The following GLCE variants were observed in gnomAD, a reference collection of about 807,000 sequenced individuals.
GLCE encodes the protein D-glucuronyl C5-epimerase.
GLCE carries 19 observed loss-of-function variants against 47.9 expected under a neutral mutation model. The ratio of observed to expected loss-of-function variants is 0.40; its 90% CI spans 0.28 to 0.58. The LOEUF is 0.58. Among genes scored for constraint, GLCE ranks in the 20% least tolerant of loss-of-function variants. The pLI is 0.48. For missense variants in GLCE, 556 were observed against 743.3 expected, an observed-to-expected ratio of 0.75 and a Z score of 2.93; for synonymous variants, 245 against 263.4, an observed-to-expected ratio of 0.93 and a Z score of 0.68.
intron 2 of GLCE, among the ~76,000 whole-genome samples, chr15:69,216,109 G>A (rs1158145293): frequency 6.6e-6 from 1 of 152,060 alleles, no homozygotes; most frequent in African/African-American, 2.4e-5. Context: ...TAATTTTATT[G>A]TTGTCTAAAG....
At chr15:69,167,630 G>A (rs1017018240) in intron 1 of GLCE, among the ~76,000 whole-genome samples, 75 of 152,106 alleles carry the variant, frequency 4.9e-4, no homozygotes, top group African/African-American at 1.6e-3. Context: ...GTTTGGGAGC[G>A]GAAGGCAGTT....
intron 1 of GLCE, among the ~76,000 whole-genome samples, chr15:69,167,290 C>T (rs904314168): frequency 6.6e-6 from 1 of 152,182 alleles, no homozygotes; most frequent in African/African-American, 2.4e-5. Flanking sequence ...GATTTTCCCC[C>T]TCAAGGGGAA....
rs763723001 is a variant in GLCE, at chr15:69,261,340, T to C, written c.829+11T>C. 3 of 1,609,254 alleles carry C rather than the reference T, an allele frequency of 1.9e-6. No individual in the cohort carries two copies. Among genetic ancestry groups the C allele is most frequent in the Admixed American group, 3.4e-5 (2 of 59,648 alleles). The stretch of plus-strand genomic sequence containing the variant: ...AGTTTATTGCACCAGGTAAGTTATG[T>C]ATTATATGTGCCTGCTAATTTTATG... On this transcript the variant is annotated intron_variant, in intron 4 of 4. Transcript: ENST00000261858.
rs777372583 is a variant in GLCE, at chr15:69,261,111, G to T, written c.611G>T (p.Gly204Val). ...VEGVPLSTQW[G>V]PQGYFYPIQI... ...GGTGTGCCATTATCTACACAATGGG[G>T]ACCTCAAGGCTATTTCTATCCAATC... The change falls in exon 4 of 5, where the codon GGA (glycine) becomes GTA (valine). Residue 204 changes from glycine to valine, a missense_variant. Gly to Val is a moderately radical substitution (Grantham distance 109). Coordinates refer to ENST00000261858, the MANE Select transcript of GLCE (RefSeq NM_015554.3). 112 of 1,612,470 alleles carry T rather than the reference G, an allele frequency of 6.9e-5. No homozygotes were observed. Among genetic ancestry groups the T allele is most frequent in the Non-Finnish European group, 9.2e-5 (109 of 1,178,686 alleles).
intron 2 of GLCE, among the ~76,000 whole-genome samples, chr15:69,249,446 C>T (rs942524803): frequency 6.6e-6 from 1 of 152,070 alleles, no homozygotes; most frequent in African/African-American, 2.4e-5. Flanking sequence ...AAATATTGAT[C>T]AAAACAATCA....
chr15:69,205,674 A>G (rs1321879498), intron 1 of GLCE, among the ~76,000 whole-genome samples: 1 of 151,942 alleles, frequency 6.6e-6, no homozygotes, highest in Admixed American at 6.6e-5. Flanking sequence ...AATCTTTTTC[A>G]TTTTAGCCAT....
chr15:69,166,641 C>T lies in GLCE; in HGVS notation c.-105+5884C>T, dbSNP rs77982422. Among the ~76,000 whole-genome samples the T allele has an allele frequency of 2.8e-3, 424 of 152,274 alleles. 2 individuals are homozygous for T. The highest frequency in any genetic ancestry group is 9.9e-3 in the African/African-American group (410 of 41,564). ...GTGTTATAAAACTATTACTCGAGGCCAGGCGCGGTGGCTTACGCCTCTAAT... is the reference window on the plus strand; with the variant it reads ...GTGTTATAAAACTATTACTCGAGGCTAGGCGCGGTGGCTTACGCCTCTAAT... On this transcript the variant is annotated intron_variant, in intron 1 of 4. Transcript: ENST00000261858.
intron 1 of GLCE, among the ~76,000 whole-genome samples, chr15:69,174,567 A>G (rs988959894): frequency 1.3e-5 from 2 of 152,188 alleles, no homozygotes; most frequent in East Asian, 1.9e-4. Flanking sequence ...CTGAGATCGC[A>G]CCAGTGTATT....
intron 1 of GLCE, among the ~76,000 whole-genome samples, chr15:69,185,188 G>A (rs1458015298): frequency 6.6e-6 from 1 of 152,050 alleles, no homozygotes; most frequent in Non-Finnish European, 1.5e-5. Flanking sequence ...TGGTTTAATT[G>A]CCATGTTCAG....
chr15:69,261,433 C>G, intron 4 of GLCE, 104 bp downstream of exon 4: 1 of 1,056,566 alleles, frequency 9.5e-7, no homozygotes, highest in South Asian at 1.6e-5. Flanking sequence ...TAAGCAGACC[C>G]TTTATATTAC....
chr15:69,185,001 A>G (rs536846761), intron 1 of GLCE, among the ~76,000 whole-genome samples: 2 of 152,234 alleles, frequency 1.3e-5, no homozygotes, highest in African/African-American at 2.4e-5. Context: ...CCATTGAGCT[A>G]AAGTTAGTTC....
intron 1 of GLCE, among the ~76,000 whole-genome samples, chr15:69,180,618 C>G (rs998449322): frequency 2.1e-4 from 32 of 152,122 alleles, no homozygotes; most frequent in African/African-American, 7.5e-4. Flanking sequence ...TGCCAAGTCT[C>G]TGAGGTTGGA....
chr15:69,182,269 T>TTGTGTG (rs34135980), intron 1 of GLCE, among the ~76,000 whole-genome samples: 60 of 144,920 alleles, frequency 4.1e-4, no homozygotes, highest in African/African-American at 1.1e-3. Flanking sequence ...CATCGTGTAT[T>TTGTGTG]TGTGTGTGTG....
chr15:69,179,733 C>T (rs2051724309), intron 1 of GLCE, among the ~76,000 whole-genome samples: 1 of 152,116 alleles, frequency 6.6e-6, no homozygotes, highest in South Asian at 2.1e-4. Flanking sequence ...GCCTGCAATC[C>T]CAGCACTTCA....
chr15:69,236,545 C>G (rs560378955), intron 2 of GLCE, among the ~76,000 whole-genome samples: 8 of 152,062 alleles, frequency 5.3e-5, no homozygotes, highest in Non-Finnish European at 1.2e-4. Flanking sequence ...GGGTTCTGAG[C>G]CTATAATCTG....
chr15:69,180,403 A>T (rs1566948617), intron 1 of GLCE, among the ~76,000 whole-genome samples: 1 of 152,324 alleles, frequency 6.6e-6, no homozygotes, highest in East Asian at 1.9e-4. Flanking sequence ...ATTAAAAAAA[A>T]TGTAAGTTTA....
intron 3 of GLCE, among the ~76,000 whole-genome samples, chr15:69,259,913 C>T (rs574314801): frequency 2.2e-4 from 34 of 152,326 alleles, no homozygotes; most frequent in African/African-American, 8.2e-4. Context: ...TTCCCAGTCT[C>T]TGCTGTGCTC....
At chr15:69,257,892 A>G (rs1401204850) in intron 3 of GLCE, among the ~76,000 whole-genome samples, 1 of 152,064 alleles carries the variant, frequency 6.6e-6, no homozygotes, top group Non-Finnish European at 1.5e-5. Flanking sequence ...AGGCGCCTAA[A>G]TTCTAAAATA....
At chr15:69,202,867 A>G (rs1267369734) in intron 1 of GLCE, among the ~76,000 whole-genome samples, 2 of 152,042 alleles carry the variant, frequency 1.3e-5, no homozygotes, top group Non-Finnish European at 2.9e-5. Context: ...ATTTATGGAT[A>G]ATTTCTTATT....
Sources: gnomAD v4.1 joint callset for allele counts (sites outside exome capture counted in the v4.1 genomes callset) on GRCh38, gnomAD v4.1.1 for gene constraint, MANE v1.5 for transcripts, NCBI Gene and HGNC (gene_info 2026-07-23, HGNC 2026-07-21) for gene names.